Variants in JAK1 observed in about 807,000 individuals in gnomAD.
The protein encoded by JAK1 is tyrosine-protein kinase JAK1.
A neutral mutation model predicts 136.6 loss-of-function variants in JAK1; 16 were observed. That is an observed-to-expected ratio of 0.12 (90% CI 0.08 to 0.18). The LOEUF is 0.18. JAK1 is among the 10% of genes least tolerant of loss of function. The pLI is 1.00. For synonymous variants in JAK1, 492 were observed against 519.5 expected, an observed-to-expected ratio of 0.95 and a Z score of 0.72; for missense variants, 859 against 1,450.1, an observed-to-expected ratio of 0.59 and a Z score of 6.62.
In JAK1 at chr1:64,869,319, C is replaced by A; in HGVS notation, c.639G>T (p.Lys213Asn). The A allele has an allele frequency of 6.2e-7, 1 of 1,613,784 alleles. No homozygotes were observed. Among genetic ancestry groups the A allele is most frequent in the Non-Finnish European group, 8.5e-7 (1 of 1,179,856 alleles). The change falls in exon 6 of 25, where the codon AAG becomes AAT. Residue 213 changes from lysine to asparagine, a missense_variant. Around this residue, in one of 4 missense-constraint regions of JAK1, gnomAD observed 353 missense variants for 494.0 expected, o/e 0.71. Coordinates refer to ENST00000342505, the MANE Select transcript of JAK1 (RefSeq NM_002227.4). Reference sequence around the variant, plus strand: ...CCAGTGGGAAGCTTTACCTGATGTCCTTGGGCAGTTCTGGCAACTGCATCT... The same window carrying A: ...CCAGTGGGAAGCTTTACCTGATGTCATTGGGCAGTTCTGGCAACTGCATCT... ...MKKMQLPELP[K>N]DISYKRYIPE...
intron 4 of JAK1, among the ~76,000 whole-genome samples, chr1:64,877,413 TA>T (rs1177846651): frequency 1.3e-5 from 2 of 152,072 alleles, no homozygotes; most frequent in Admixed American, 6.5e-5. Context: ...GTCAAGGTGC[TA>T]AAAGTGAAGC....
chr1:65,050,498 G>A (rs901469244), intron 1 of JAK1, among the ~76,000 whole-genome samples: 1 of 152,210 alleles, frequency 6.6e-6, no homozygotes, highest in Non-Finnish European at 1.5e-5. Context: ...CCTGACAAAG[G>A]CCAGGCCAGT....
At chr1:64,902,583 A>AGTGTGTGTGTGT (rs1297802875) in intron 1 of JAK1, among the ~76,000 whole-genome samples, 118 of 73,792 alleles carry the variant, frequency 1.6e-3, no homozygotes, top group South Asian at 5.1e-3. Flanking sequence ...AGAGAGAGAG[A>AGTGTGTGTGTGT]GTGTGTGTGT....
chr1:64,983,433 G>C (rs1227721170), intron 2 of JAK1, among the ~76,000 whole-genome samples: 1 of 152,150 alleles, frequency 6.6e-6, no homozygotes, highest in African/African-American at 2.4e-5. Context: ...CAGAGCTGAG[G>C]CTACAAATTC....
chr1:64,984,714 A>G lies in JAK1; in HGVS notation c.-78+59766T>C, dbSNP rs936317062. The G allele has an allele frequency of 1.3e-6, 1 of 751,084 alleles. No homozygotes were observed. Among genetic ancestry groups the G allele is most frequent in the African/African-American group, 1.8e-5 (1 of 56,576 alleles). 46.5% of individuals were successfully genotyped at this position (751,084 alleles called of 1,614,324 possible). A position where few individuals can be genotyped will look rare whatever the true frequency, so the allele number is the denominator to read the frequency against. On this transcript the variant is annotated intron_variant, in intron 2 of 25. Coordinates refer to the JAK1 transcript ENST00000671954. This position sits in a 1 kb window ranked among gnomAD's most constrained non-coding sequence, Gnocchi z 4.1. ...TGCCTGCCCCTCAAAGGCCTATGTG[A>G]TATCCTTGAAAGTCCTGTAACACAT...
intron 1 of JAK1, among the ~76,000 whole-genome samples, chr1:65,054,577 C>A (rs1647441138): frequency 6.6e-6 from 1 of 152,060 alleles, no homozygotes; most frequent in Non-Finnish European, 1.5e-5. Flanking sequence ...AATTCCTTTT[C>A]TGTTTAAAAA....
chr1:65,026,567 TC>T (rs1467242188), intron 2 of JAK1, among the ~76,000 whole-genome samples: 1 of 152,214 alleles, frequency 6.6e-6, no homozygotes, highest in Non-Finnish European at 1.5e-5. Context: ...TTGGAACTGT[TC>T]CATTGGTAGC....
At chr1:65,051,269 T>A (rs974934970) in intron 1 of JAK1, among the ~76,000 whole-genome samples, 1 of 152,244 alleles carries the variant, frequency 6.6e-6, no homozygotes, top group African/African-American at 2.4e-5. Context: ...ACACTAGACT[T>A]TTAAAATTAA....
chr1:64,946,376 G>A (rs1026559611), intron 1 of JAK1, among the ~76,000 whole-genome samples: 1 of 152,162 alleles, frequency 6.6e-6, no homozygotes, highest in African/African-American at 2.4e-5. Context: ...ATAAGTAAAT[G>A]GTGGCTGGCA....
intron 11 of JAK1, among the ~76,000 whole-genome samples, chr1:64,854,045 G>T (rs958042395): frequency 6.6e-6 from 1 of 152,154 alleles, no homozygotes; most frequent in Non-Finnish European, 1.5e-5. Context: ...TTACCTTTGC[G>T]GAAAATCCTC....
intron 1 of JAK1, among the ~76,000 whole-genome samples, chr1:65,061,889 T>C (rs941572107): frequency 2.0e-5 from 3 of 152,034 alleles, no homozygotes; most frequent in South Asian, 2.1e-4. Flanking sequence ...GGCAAGAAAA[T>C]GTCAAGGACC....
intron 1 of JAK1, among the ~76,000 whole-genome samples, chr1:64,956,841 T>C (rs953048417): frequency 3.9e-5 from 6 of 152,092 alleles, no homozygotes; most frequent in African/African-American, 1.2e-4. Flanking sequence ...ACAGAACCTT[T>C]AGAAACATCC....
At chr1:64,865,388 C>T (rs536827011) in intron 7 of JAK1, among the ~76,000 whole-genome samples, 3 of 152,342 alleles carry the variant, frequency 2.0e-5, no homozygotes, top group South Asian at 4.1e-4. Flanking sequence ...TATCACCAAT[C>T]GTCTTGACTT....
intron 1 of JAK1, among the ~76,000 whole-genome samples, chr1:64,943,895 T>C (rs1351976762): frequency 1.3e-5 from 2 of 148,630 alleles, no homozygotes; most frequent in African/African-American, 4.9e-5. Context: ...GACTAGGCAA[T>C]CCACATCAAA....
At chr1:64,902,534 C>T (rs933426128) in intron 1 of JAK1, among the ~76,000 whole-genome samples, 2 of 124,300 alleles carry the variant, frequency 1.6e-5, no homozygotes, top group African/African-American at 7.5e-5. Flanking sequence ...GACATGGTGC[C>T]TTTACTCATG....
Position 64,869,413 on chromosome 1 carries a change from C to A in JAK1, c.545G>T (p.Gly182Val). Residue 182 changes from glycine (G) to valine (V), a missense_variant, in exon 6 of 25, where the codon GGA becomes GTA. Physicochemically the swap from Gly to Val is moderately radical, Grantham distance 109 (BLOSUM62 -3). Transcript: ENST00000342505. ...TAGACACTCGTTCTCAATATCATGT[C>A]CATCCTGCTCGGTCTTGGGGTCTCG... Reference protein sequence around the residue: ...PIRDPKTEQDGHDIENECLGM... With the variant: ...PIRDPKTEQDVHDIENECLGM... The A allele has an allele frequency of 6.2e-7, 1 of 1,613,834 alleles. No homozygotes were observed. The highest frequency in any genetic ancestry group is 8.5e-7 in the Non-Finnish European group (1 of 1,179,792).
At chr1:64,946,426 C>T (rs969806606) in intron 1 of JAK1, among the ~76,000 whole-genome samples, 2 of 152,180 alleles carry the variant, frequency 1.3e-5, no homozygotes, top group Non-Finnish European at 2.9e-5. Context: ...GGTCTATGAT[C>T]GGACCTCATG....
rs752463579 is a variant in JAK1 at position 65,063,922 on chromosome 1, TTTAA to T, written c.-181+3678_-181+3681del. Among the ~76,000 whole-genome samples the T allele has an allele frequency of 2.4e-4, 37 of 152,156 alleles. 1 individual carries two copies. The highest frequency in any genetic ancestry group is 1.3e-4 in the Admixed American group (2 of 15,278). ...TATAATGCAAGCTACACATGTAATT[TTTAA>T]TTCTCTAGTAGCCACACTAATAAAC... On this transcript the variant is annotated intron_variant, in intron 1 of 25. Coordinates refer to the JAK1 transcript ENST00000671954.
intron 1 of JAK1, among the ~76,000 whole-genome samples, chr1:65,054,195 T>C (rs867554392): frequency 4.6e-5 from 7 of 152,248 alleles, no homozygotes; most frequent in Middle Eastern, 3.4e-3. Flanking sequence ...ATATTCTTAT[T>C]ATCAAATTTA....
Sources: gnomAD v4.1 joint callset for allele counts (sites outside exome capture counted in the v4.1 genomes callset) on GRCh38, gnomAD v4.1.1 for gene constraint, gnomAD v4.1.1 regional missense constraint, Gnocchi (gnomAD v3.1) non-coding constraint, MANE v1.5 for transcripts, NCBI Gene and HGNC (gene_info 2026-07-23, HGNC 2026-07-21) for gene names.